SH3RF3: variants seen among roughly 807,000 people sequenced by gnomAD.
The protein encoded by SH3RF3 is E3 ubiquitin-protein ligase SH3RF3.
Under a neutral mutation model 66.3 loss-of-function variants are expected in SH3RF3, and 29 were observed. The ratio of observed to expected loss-of-function variants is 0.44; its 90% CI spans 0.33 to 0.60. The LOEUF (loss-of-function observed/expected upper bound fraction) is 0.60. SH3RF3 is among the 20% of genes least tolerant of loss of function. The pLI is 0.04. For missense variants in SH3RF3, 1,194 were observed against 1,190.9 expected, an observed-to-expected ratio of 1.00 and a Z score of -0.04; for synonymous variants, 583 against 532.0, an observed-to-expected ratio of 1.10 and a Z score of -1.32.
intron 1 of SH3RF3, among the ~76,000 whole-genome samples, chr2:109,240,908 C>T (rs926355385): frequency 1.4e-5 from 2 of 147,896 alleles, no homozygotes; most frequent in Middle Eastern, 3.5e-3. Flanking sequence ...CTGTCTTGCT[C>T]CCCGCTTCTT....
chr2:109,463,970 C>T (rs903411977), intron 8 of SH3RF3, among the ~76,000 whole-genome samples: 1 of 152,160 alleles, frequency 6.6e-6, no homozygotes, highest in African/African-American at 2.4e-5. Context: ...GGCAAGAGGT[C>T]ACCAGGAGAG....
At chr2:109,486,159 C>G (rs561841393) in intron 8 of SH3RF3, among the ~76,000 whole-genome samples, 5 of 152,360 alleles carry the variant, frequency 3.3e-5, no homozygotes, top group Non-Finnish European at 7.3e-5. Context: ...TGACATTACT[C>G]TTTGTCGTCT....
intron 1 of SH3RF3, among the ~76,000 whole-genome samples, chr2:109,278,754 C>T (rs1053452724): frequency 3.3e-5 from 5 of 152,172 alleles, no homozygotes; most frequent in African/African-American, 1.2e-4. Context: ...GATGCAAGCC[C>T]ATCTGTACCC....
chr2:109,272,104 G>A (rs186273664), intron 1 of SH3RF3, among the ~76,000 whole-genome samples: 15 of 152,296 alleles, frequency 9.8e-5, no homozygotes, highest in African/African-American at 3.4e-4. Flanking sequence ...AGGGCAGCCC[G>A]TCTGCCTCTG....
chr2:109,243,396 G>A (rs1349474359), intron 1 of SH3RF3, among the ~76,000 whole-genome samples: 1 of 152,240 alleles, frequency 6.6e-6, no homozygotes, highest in African/African-American at 2.4e-5. Context: ...ATGCTGGAGT[G>A]CCTGTCCTTT....
At chr2:109,429,242 A>G (rs558763258) in intron 5 of SH3RF3, among the ~76,000 whole-genome samples, 1 of 152,218 alleles carries the variant, frequency 6.6e-6, no homozygotes, top group South Asian at 2.1e-4. Context: ...GGCCCACCCA[A>G]CACGAGCCGC....
intron 1 of SH3RF3, among the ~76,000 whole-genome samples, chr2:109,133,922 T>C (rs1400759628): frequency 1.3e-5 from 2 of 152,088 alleles, no homozygotes; most frequent in East Asian, 1.9e-4. Context: ...TGGGTGTGGG[T>C]GACTTTGGCT....
chr2:109,363,834 C>T (rs1194684617), intron 2 of SH3RF3, among the ~76,000 whole-genome samples: 3 of 152,126 alleles, frequency 2.0e-5, no homozygotes, highest in East Asian at 1.9e-4. Flanking sequence ...AACTCTTTTC[C>T]TTTGCTCCTT....
chr2:109,419,409 C>T (rs774601828), intron 4 of SH3RF3, 130 bp from the exon 5 acceptor site: 84 of 922,446 alleles, frequency 9.1e-5, no homozygotes, highest in Middle Eastern at 2.1e-4. Context: ...AGGCACAGCA[C>T]GTTGGAGGCC....
intron 1 of SH3RF3, among the ~76,000 whole-genome samples, chr2:109,236,866 G>A (rs994238408): frequency 1.3e-5 from 2 of 152,164 alleles, no homozygotes; most frequent in Non-Finnish European, 2.9e-5. Flanking sequence ...GCTGTGAAAC[G>A]CTGCAGTGAC....
intron 1 of SH3RF3, among the ~76,000 whole-genome samples, chr2:109,192,760 C>T (rs754617773): frequency 4.6e-5 from 7 of 152,154 alleles, no homozygotes; most frequent in Non-Finnish European, 7.4e-5. Context: ...GTGCAGCCAC[C>T]CATGGAAGTC....
intron 4 of SH3RF3, among the ~76,000 whole-genome samples, chr2:109,407,772 C>T (rs10181442): frequency 0.035 from 5,358 of 152,220 alleles, 192 homozygotes; most frequent in African/African-American, 0.089. Context: ...TTGTGAGAAT[C>T]TTATACAAGA....
chr2:109,166,206 C>T (rs566387721), intron 1 of SH3RF3, among the ~76,000 whole-genome samples: 10 of 152,228 alleles, frequency 6.6e-5, no homozygotes, highest in East Asian at 1.9e-4. Context: ...AGGCCAGGCA[C>T]GGTGGCTTAT....
intron 1 of SH3RF3, among the ~76,000 whole-genome samples, chr2:109,337,086 G>T (rs1435489111): frequency 6.6e-6 from 1 of 152,250 alleles, no homozygotes; most frequent in African/African-American, 2.4e-5. Context: ...TATCCTAAAT[G>T]TAAATTCAGG....
rs370728574 is a variant in SH3RF3 at position 109,322,957 on chromosome 2, A to C, written c.574-24717A>C. Among the ~76,000 whole-genome samples the C allele has an allele frequency of 1.1e-4, 16 of 152,274 alleles. No homozygotes were observed. In the East Asian group the frequency reaches 1.9e-3, roughly 18 times the overall value. ...GGAATTTAGTGAGAGTGGGCAGGCA[A>C]TATAAAGAGGCCAAATCTGACTGTG... On this transcript the variant is annotated intron_variant, in intron 1 of 9. Coordinates refer to ENST00000309415, the MANE Select transcript of SH3RF3 (RefSeq NM_001099289.3).
intron 2 of SH3RF3, 113 bp downstream of exon 2, chr2:109,348,062 T>G (rs572286656): frequency 7.2e-7 from 1 of 1,395,152 alleles, no homozygotes; most frequent in African/African-American, 1.4e-5. Context: ...GTCTGAATCC[T>G]GGCTCCTCCC....
intron 8 of SH3RF3, among the ~76,000 whole-genome samples, chr2:109,464,139 T>C (rs903983984): frequency 1.3e-5 from 2 of 152,186 alleles, no homozygotes; most frequent in African/African-American, 4.8e-5. Context: ...TCTTCTAAAA[T>C]ACTTCCAGGG....
intron 2 of SH3RF3, among the ~76,000 whole-genome samples, chr2:109,363,265 C>A (rs1191226826): frequency 6.6e-6 from 1 of 151,850 alleles, no homozygotes; most frequent in Non-Finnish European, 1.5e-5. Context: ...GCATTGGAGT[C>A]TGCAATATTC....
chr2:109,366,277 G>A (rs368789482), intron 2 of SH3RF3, among the ~76,000 whole-genome samples: 185 of 151,914 alleles, frequency 1.2e-3, no homozygotes, highest in South Asian at 3.1e-3. Context: ...TGCTTTTTTC[G>A]TTTAAAAATA....
Sources: allele counts gnomAD v4.1 joint callset (sites outside exome capture counted in the v4.1 genomes callset), GRCh38; gene constraint gnomAD v4.1.1; transcripts MANE v1.5; gene names NCBI Gene and HGNC (gene_info 2026-07-23, HGNC 2026-07-21).